The following SNED1 variants were observed in gnomAD, a reference collection of about 807,000 sequenced individuals.
The protein encoded by SNED1 is sushi, nidogen and EGF-like domain-containing protein 1.
A neutral mutation model predicts 166.7 loss-of-function variants in SNED1; 81 were observed. The observed-to-expected ratio is 0.49, with a 90% CI of 0.41 to 0.58. The LOEUF (loss-of-function observed/expected upper bound fraction) is 0.58. Among genes scored for constraint, SNED1 ranks in the 20% least tolerant of loss-of-function variants. The pLI is 0.00. For missense variants in SNED1, 1,604 were observed against 2,000.2 expected (o/e 0.80, Z 3.78); for synonymous variants, 762 against 822.0 (o/e 0.93, Z 1.25).
At chr2:241,063,881 G>A (rs1026585849) in intron 18 of SNED1, 131 bp from the exon 19 acceptor site, 9 of 780,188 alleles carry the variant, frequency 1.2e-5, no homozygotes, top group African/African-American at 1.7e-5. Flanking sequence ...CTGAGGGGCG[G>A]GACCTGCCCA....
At chr2:241,038,216 A>G (rs2061430999) in intron 6 of SNED1, among the ~76,000 whole-genome samples, 1 of 152,204 alleles carries the variant, frequency 6.6e-6, no homozygotes, top group Non-Finnish European at 1.5e-5. Flanking sequence ...AGTCGCTTAC[A>G]AAAACATGTA....
At position 241,064,705 on chromosome 2, in the gene SNED1, G is replaced by A; in HGVS notation, c.2600-139G>A. The stretch of plus-strand genomic sequence containing the variant: ...GGGCAGTGGAGGTGGCAGAACCGAA[G>A]GGAGGCAGTAGCTGTCCTGTGCCCC... On this transcript the variant is annotated intron_variant, in intron 19 of 31. Coordinates refer to ENST00000310397, the MANE Select transcript of SNED1 (RefSeq NM_001080437.3). This position sits in a 1 kb window ranked among gnomAD's most constrained non-coding sequence, Gnocchi z 7.0. 3.3e-6 allele frequency: 2 copies of A among 606,000 alleles called. No individual in the cohort carries two copies. Among genetic ancestry groups the A allele is most frequent in the South Asian group, 2.1e-5 (1 of 47,170 alleles). 37.5% of individuals were successfully genotyped at this position (606,000 alleles called of 1,614,324 possible).
rs1318010937 is a variant in SNED1, at chr2:241,051,714, G to A, written c.1736-30G>A. 19 of 1,444,658 alleles carry A rather than the reference G, an allele frequency of 1.3e-5. No homozygotes were observed. The highest frequency in any genetic ancestry group is 1.8e-4 in the Middle Eastern group (1 of 5,568). The allele number at this position is 1,444,658 out of a possible 1,614,324, so 89.5% of individuals were successfully genotyped here. On this transcript the variant is annotated intron_variant, in intron 12 of 31. Coordinates refer to ENST00000310397, the MANE Select transcript of SNED1 (RefSeq NM_001080437.3). This position sits in a 1 kb window ranked among gnomAD's most constrained non-coding sequence, Gnocchi z 4.7. ...TCTGTGGGGCCAGCAGCCTGGCCCC[G>A]TTCATCTGCCTCTCTGTCCTTCCAC...
At chr2:241,014,197 C>T (rs571851625) in intron 1 of SNED1, among the ~76,000 whole-genome samples, 13 of 152,018 alleles carry the variant, frequency 8.6e-5, no homozygotes, top group Non-Finnish European at 1.5e-4. Flanking sequence ...TTAGGAGAGA[C>T]AGGGTTTCAC....
chr2:241,062,983 A>C (rs2062291036), intron 17 of SNED1, 79 bp downstream of exon 17: 1 of 932,318 alleles, frequency 1.1e-6, no homozygotes, highest in Non-Finnish European at 1.6e-6. Flanking sequence ...TCCCCCGGAC[A>C]GGTCTCTGTC....
chr2:241,025,946 G>T (rs1385266308), intron 1 of SNED1, among the ~76,000 whole-genome samples: 1 of 147,188 alleles, frequency 6.8e-6, no homozygotes, highest in Non-Finnish European at 1.5e-5. Context: ...AATGAAGATT[G>T]TCTCCTTGTC....
chr2:241,073,423 G>C lies in SNED1; in HGVS notation c.3916+59G>C, dbSNP rs1475516605. 2.1e-6 allele frequency: 3 copies of C among 1,410,778 alleles called. No individual in the cohort carries two copies. Among genetic ancestry groups the C allele is most frequent in the Non-Finnish European group, 2.9e-6 (3 of 1,019,276 alleles). The allele number at this position is 1,410,778 out of a possible 1,614,324, so 87.4% of individuals were successfully genotyped here. A position where few individuals can be genotyped will look rare whatever the true frequency, so the allele number is the denominator to read the frequency against. Reference sequence around the variant, plus strand: ...TGACTGACTGCTCTCAGGGGCCTTAGAGGCTGCAGGCAGGAGGGACCACCC... The same window carrying C: ...TGACTGACTGCTCTCAGGGGCCTTACAGGCTGCAGGCAGGAGGGACCACCC... On this transcript the variant is annotated intron_variant, in intron 27 of 31. Coordinates refer to ENST00000310397, the MANE Select transcript of SNED1 (RefSeq NM_001080437.3). The surrounding 1 kb of genome is among the most constrained non-coding windows in gnomAD (Gnocchi z 6.6).
Position 241,013,551 on chromosome 2 carries a change from G to A in SNED1, c.213+14501G>A, listed in dbSNP as rs1047254152. On this transcript the variant is annotated intron_variant, in intron 1 of 31. Transcript: ENST00000310397. This position sits in a 1 kb window ranked among gnomAD's most constrained non-coding sequence, Gnocchi z 4.6. ...GACAGGGTCTTGCTATGTTGTCCAG[G>A]CTGGTCTTGAACTCCTGGCCTCAAG... Among the ~76,000 whole-genome samples, 1 of 151,672 alleles carries A rather than the reference G, an allele frequency of 6.6e-6. No individual in the cohort carries two copies. The highest frequency in any genetic ancestry group is 1.5e-5 in the Non-Finnish European group (1 of 67,944).
intron 5 of SNED1, 26 bp downstream of exon 5, chr2:241,036,941 C>T (rs370014005): frequency 1.9e-6 from 3 of 1,594,978 alleles, no homozygotes; most frequent in South Asian, 2.2e-5. Flanking sequence ...AGGGCGGGAC[C>T]ACCCGCTGGC....
chr2:241,048,625 C>A, intron 9 of SNED1, 37 bp from the exon 10 acceptor site: 1 of 1,561,802 alleles, frequency 6.4e-7, no homozygotes, highest in East Asian at 2.3e-5. Flanking sequence ...TCTTTCTGCG[C>A]CCCCACATGG....
At position 241,068,716 on chromosome 2, in the gene SNED1, T is replaced by C. The variant is rs1461394574; in HGVS notation, c.3195-195T>C. Reference sequence around the variant, plus strand: ...CGATCCTCCTCCGCTGCCCGGACTATGGGTTGGCTTCCCGCCCTAGGAGCA... The same window carrying C: ...CGATCCTCCTCCGCTGCCCGGACTACGGGTTGGCTTCCCGCCCTAGGAGCA... On this transcript the variant is annotated intron_variant, in intron 22 of 31. Coordinates refer to ENST00000310397, the MANE Select transcript of SNED1 (RefSeq NM_001080437.3). This position sits in a 1 kb window ranked among gnomAD's most constrained non-coding sequence, Gnocchi z 5.3. Among the ~76,000 whole-genome samples the C allele has an allele frequency of 6.6e-6, 1 of 152,038 alleles. No homozygotes were observed. The highest frequency in any genetic ancestry group is 1.5e-5 in the Non-Finnish European group (1 of 68,002).
chr2:241,069,417 A>G lies in SNED1; in HGVS notation c.3307+394A>G, dbSNP rs576922005. On this transcript the variant is annotated intron_variant, in intron 23 of 31. Coordinates refer to ENST00000310397, the MANE Select transcript of SNED1 (RefSeq NM_001080437.3). This position sits in a 1 kb window ranked among gnomAD's most constrained non-coding sequence, Gnocchi z 4.9. ...GTCACTAGGCCCACACCCCCTCCCC[A>G]GTGCATGGGAGGGGTGACAGCATGG... 6.6e-6 allele frequency among the ~76,000 whole-genome samples: 1 copy of G among 152,034 alleles called. No homozygotes were observed. Among genetic ancestry groups the G allele is most frequent in the African/African-American group, 2.4e-5 (1 of 41,510 alleles).
chr2:241,089,943 C>T (rs1190304960), intron 31 of SNED1: 4 of 1,540,546 alleles, frequency 2.6e-6, no homozygotes, highest in Admixed American at 2.1e-5. Flanking sequence ...AGAAAACCTA[C>T]AGTAAAAATA....
intron 16 of SNED1, among the ~76,000 whole-genome samples, chr2:241,060,492 ACTT>A (rs1230586218): frequency 5.9e-5 from 9 of 152,158 alleles, no homozygotes; most frequent in Admixed American, 5.9e-4. Context: ...CTAACTATAA[ACTT>A]CTAAAAGAAA....
intron 12 of SNED1, 102 bp downstream of exon 12, chr2:241,050,035 G>A (rs745437185): frequency 3.4e-5 from 28 of 835,486 alleles, no homozygotes; most frequent in Non-Finnish European, 2.1e-6. Flanking sequence ...TTCGCGAATT[G>A]CTGACCTCGT....
intron 8 of SNED1, among the ~76,000 whole-genome samples, chr2:241,045,955 A>T (rs1190891746): frequency 6.6e-6 from 1 of 152,236 alleles, no homozygotes; most frequent in African/African-American, 2.4e-5. Flanking sequence ...TCAAATCTCA[A>T]CTGTGAGAAA....
At chr2:241,058,935 G>T (rs1043257863) in intron 16 of SNED1, among the ~76,000 whole-genome samples, 1 of 151,060 alleles carries the variant, frequency 6.6e-6, no homozygotes, top group African/African-American at 2.4e-5. Context: ...GGGTGACACA[G>T]CAAGACTCTG....
chr2:241,054,817 TAAAA>T lies in SNED1; in HGVS notation c.2257+1494_2257+1497del, dbSNP rs542888885. ...AAAGAAGCAGGGAAAGATAAATAAATAAAAAAGAAAATGTTGGGGCCAGGTGCTG... is the reference window on the plus strand; with the variant it reads ...AAAGAAGCAGGGAAAGATAAATAAATAAGAAAATGTTGGGGCCAGGTGCTG... On this transcript the variant is annotated intron_variant, in intron 16 of 31. Transcript: ENST00000310397. Among the ~76,000 whole-genome samples, 209 of 152,060 alleles carry T rather than the reference TAAAA, an allele frequency of 1.4e-3. 2 individuals are homozygous for T. The highest frequency in any genetic ancestry group is 4.9e-3 in the African/African-American group (204 of 41,512).
intron 29 of SNED1, among the ~76,000 whole-genome samples, chr2:241,084,707 C>T (rs1427863892): frequency 1.3e-5 from 2 of 152,088 alleles, no homozygotes; most frequent in African/African-American, 2.4e-5. Context: ...ATCTGCCTGC[C>T]GACTCCAGCA....
Sources: gnomAD v4.1 joint callset for allele counts (sites outside exome capture counted in the v4.1 genomes callset) on GRCh38, gnomAD v4.1.1 for gene constraint, Gnocchi (gnomAD v3.1) non-coding constraint, MANE v1.5 for transcripts, NCBI Gene and HGNC (gene_info 2026-07-23, HGNC 2026-07-21) for gene names.